Variants in VOPP1 observed in about 807,000 individuals in gnomAD.
VOPP1 encodes the protein WW domain binding protein VOPP1.
Under a neutral mutation model 23.5 loss-of-function variants are expected in VOPP1, and 8 were observed. The observed-to-expected ratio is 0.34, with a 90% CI of 0.20 to 0.61. The LOEUF (loss-of-function observed/expected upper bound fraction) is 0.61. Among genes scored for constraint, VOPP1 ranks in the 20% least tolerant of loss-of-function variants. The pLI, the probability that VOPP1 is intolerant of heterozygous loss-of-function variation, is 0.78. For missense variants in VOPP1, 174 were observed against 238.1 expected (o/e 0.73, Z 1.77); for synonymous variants, 83 against 97.3 (o/e 0.85, Z 0.86).
intron 2 of VOPP1, among the ~76,000 whole-genome samples, chr7:55,503,991 A>C (rs1794542149): frequency 6.6e-6 from 1 of 152,230 alleles, no homozygotes; most frequent in African/African-American, 2.4e-5. Flanking sequence ...GGAGCAGCTA[A>C]AGTCGGAGTA....
At chr7:55,458,547 C>A (rs1488439599) in intron 4 of VOPP1, among the ~76,000 whole-genome samples, 1 of 152,126 alleles carries the variant, frequency 6.6e-6, no homozygotes, top group Non-Finnish European at 1.5e-5. Context: ...GATTCATGCA[C>A]ATGGAATGTC....
chr7:55,551,136 G>T (rs1004818057), intron 1 of VOPP1, among the ~76,000 whole-genome samples: 1 of 152,296 alleles, frequency 6.6e-6, no homozygotes, highest in Non-Finnish European at 1.5e-5. Context: ...CCATCCCGCA[G>T]ACATAACTTC....
intron 4 of VOPP1, among the ~76,000 whole-genome samples, chr7:55,441,464 G>C (rs1790963082): frequency 6.6e-6 from 1 of 152,184 alleles, no homozygotes; most frequent in Non-Finnish European, 1.5e-5. Flanking sequence ...TGGCAAGAGT[G>C]GTCTCTGGCA....
At chr7:55,520,967 G>A (rs1326898936) in intron 2 of VOPP1, 105 bp downstream of exon 2, 2 of 1,232,788 alleles carry the variant, frequency 1.6e-6, no homozygotes, top group Admixed American at 4.3e-5. Flanking sequence ...GCAGAGGCTG[G>A]GCCACGCCGG....
At chr7:55,516,932 ATTTTTTTTTTTTTTTTTTTTTTTT>A (rs71031862) in intron 2 of VOPP1, among the ~76,000 whole-genome samples, 1 of 45,156 alleles carries the variant, frequency 2.2e-5, no homozygotes, top group Non-Finnish European at 3.4e-5. Flanking sequence ...ATATATATAT[ATTTTTTTTTTTTTTTTTTTTTTTT>A]TTTTTTTGAG....
At position 55,473,032 on chromosome 7, in the gene VOPP1, C is replaced by T. The variant is rs746085154; in HGVS notation, c.342G>A (p.Pro114=). ...PPNPGPGAQQ[P]GPPYYTDPGG... ...CTGGGTCGGTGTAATAGGGCGGCCCCGGCTGCTGGGCTCCTGAAAGACAGA... is the reference window on the plus strand; with the variant it reads ...CTGGGTCGGTGTAATAGGGCGGCCCTGGCTGCTGGGCTCCTGAAAGACAGA... The change falls in exon 5 of 5, where the codon CCG becomes CCA. Residue 114 remains proline (P), a synonymous_variant. Coordinates refer to ENST00000285279, the MANE Select transcript of VOPP1 (RefSeq NM_030796.5). The T allele has an allele frequency of 6.9e-6, 11 of 1,596,642 alleles. No homozygotes were observed. The highest frequency in any genetic ancestry group is 4.6e-5 in the East Asian group (2 of 43,222).
intron 2 of VOPP1, among the ~76,000 whole-genome samples, chr7:55,504,712 T>C (rs1794595777): frequency 6.6e-6 from 1 of 152,246 alleles, no homozygotes; most frequent in South Asian, 2.1e-4. Flanking sequence ...ACACAGCCAG[T>C]CTTTCTTTCC....
chr7:55,490,774 G>C (rs1473140184), intron 4 of VOPP1, among the ~76,000 whole-genome samples: 1 of 152,192 alleles, frequency 6.6e-6, no homozygotes. Flanking sequence ...TCCACTTACG[G>C]ATTCAAAATG....
intron 4 of VOPP1, among the ~76,000 whole-genome samples, chr7:55,482,814 C>A (rs1792841804): frequency 6.6e-6 from 1 of 152,130 alleles, no homozygotes; most frequent in Non-Finnish European, 1.5e-5. Flanking sequence ...ACTTAGTGAG[C>A]AAGATTAAGT....
At chr7:55,500,792 G>A (rs117057738) in intron 2 of VOPP1, among the ~76,000 whole-genome samples, 1,679 of 152,322 alleles carry the variant, frequency 0.011, 11 homozygotes, top group Middle Eastern at 0.02. Context: ...GAAGCAAGAC[G>A]TTAGAGATGT....
intron 4 of VOPP1, among the ~76,000 whole-genome samples, chr7:55,475,903 G>A (rs1052181576): frequency 1.3e-5 from 2 of 152,230 alleles, no homozygotes; most frequent in African/African-American, 4.8e-5. Context: ...CAGAGGCTCT[G>A]CCAGAGTGAG....
intron 4 of VOPP1, among the ~76,000 whole-genome samples, chr7:55,454,178 G>A (rs1791310568): frequency 1.3e-5 from 2 of 151,914 alleles, no homozygotes; most frequent in Admixed American, 1.3e-4. Context: ...TCTTGTGCTA[G>A]GAACATTAAA....
At chr7:55,496,398 C>T (rs1793954917) in intron 3 of VOPP1, among the ~76,000 whole-genome samples, 1 of 152,248 alleles carries the variant, frequency 6.6e-6, no homozygotes, top group African/African-American at 2.4e-5. Context: ...TGGAGATGCA[C>T]ACAGAGCCGT....
intron 1 of VOPP1, among the ~76,000 whole-genome samples, chr7:55,529,973 G>A (rs887954331): frequency 1.3e-5 from 2 of 152,098 alleles, no homozygotes; most frequent in Admixed American, 1.3e-4. Flanking sequence ...GGACATCTGG[G>A]TTGATACTGC....
intron 1 of VOPP1, among the ~76,000 whole-genome samples, chr7:55,569,112 T>A (rs1798261254): frequency 1.3e-5 from 2 of 152,154 alleles, no homozygotes. Flanking sequence ...TGCATGTAAT[T>A]CACAGGAAAC....
At chr7:55,542,811 G>T (rs891326563) in intron 1 of VOPP1, among the ~76,000 whole-genome samples, 2 of 151,538 alleles carry the variant, frequency 1.3e-5, no homozygotes, top group African/African-American at 2.4e-5. Flanking sequence ...AAAAAATACA[G>T]AACAGGCAAT....
intron 4 of VOPP1, among the ~76,000 whole-genome samples, chr7:55,489,959 G>A (rs1793442626): frequency 6.6e-6 from 1 of 152,124 alleles, no homozygotes; most frequent in African/African-American, 2.4e-5. Context: ...CAGCACCTTG[G>A]AGGAAGGCAT....
chr7:55,435,878 A>G (rs960877115), downstream of VOPP1, among the ~76,000 whole-genome samples: 1 of 152,150 alleles, frequency 6.6e-6, no homozygotes, highest in Non-Finnish European at 1.5e-5. Context: ...AATGATGAAA[A>G]ACCACCCTGG....
At chr7:55,508,736 T>C (rs1342003810) in intron 2 of VOPP1, among the ~76,000 whole-genome samples, 2 of 151,784 alleles carry the variant, frequency 1.3e-5, no homozygotes, top group Non-Finnish European at 2.9e-5. Flanking sequence ...ATTCTGGCCA[T>C]ATGTCTCTTT....
Sources: gnomAD v4.1 joint callset for allele counts (sites outside exome capture counted in the v4.1 genomes callset) on GRCh38, gnomAD v4.1.1 for gene constraint, MANE v1.5 for transcripts, NCBI Gene and HGNC (gene_info 2026-07-23, HGNC 2026-07-21) for gene names.